LRRC74A: variants seen among roughly 807,000 people sequenced by gnomAD.
The protein encoded by LRRC74A is leucine-rich repeat-containing protein 74A.
LRRC74A carries 44 observed loss-of-function variants against 57.9 expected under a neutral mutation model. That is an observed-to-expected ratio of 0.76 (90% CI 0.60 to 0.98). The LOEUF (loss-of-function observed/expected upper bound fraction) is 0.98. Among genes scored for constraint, LRRC74A ranks in the 50% least tolerant of loss-of-function variants. The pLI, the probability that LRRC74A is intolerant of heterozygous loss-of-function variation, is 0.00. For synonymous variants in LRRC74A, 211 were observed against 219.4 expected (o/e 0.96, Z 0.34); for missense variants, 572 against 574.0 (o/e 1.00, Z 0.04).
chr14:76,867,693 G>A (rs972198904), intron 13 of LRRC74A, among the ~76,000 whole-genome samples: 1 of 152,164 alleles, frequency 6.6e-6, no homozygotes, highest in African/African-American at 2.4e-5. Flanking sequence ...GGAGGAGCCG[G>A]AGCCCACACT....
chr14:76,846,473 G>A (rs1018595970), intron 7 of LRRC74A, among the ~76,000 whole-genome samples: 2 of 152,034 alleles, frequency 1.3e-5, no homozygotes, highest in Admixed American at 6.6e-5. Context: ...TTACAGCATC[G>A]CCATAAAAGA....
intron 8 of LRRC74A, among the ~76,000 whole-genome samples, chr14:76,852,941 G>A (rs777693143): frequency 1.3e-5 from 2 of 152,064 alleles, no homozygotes; most frequent in Admixed American, 6.6e-5. Context: ...TAGTATAATC[G>A]TATCTGCTGA....
chr14:76,847,647 C>A (rs980294594), intron 7 of LRRC74A, among the ~76,000 whole-genome samples: 2 of 151,748 alleles, frequency 1.3e-5, no homozygotes, highest in Non-Finnish European at 2.9e-5. Flanking sequence ...ACAAGTTTAC[C>A]TATATAACAA....
At chr14:76,860,645 C>A (rs759563918) in intron 10 of LRRC74A, 48 bp from the exon 11 acceptor site, 2 of 1,531,568 alleles carry the variant, frequency 1.3e-6, no homozygotes, top group East Asian at 2.3e-5. Context: ...TGGGCAGGCA[C>A]GATGGCAGTG....
intron 7 of LRRC74A, among the ~76,000 whole-genome samples, chr14:76,850,370 G>A (rs1838574694): frequency 6.6e-6 from 1 of 152,138 alleles, no homozygotes. Flanking sequence ...AGTGATGCAG[G>A]TGTGCAAGGT....
chr14:76,864,532 AT>A lies in LRRC74A; in HGVS notation c.1201-1435del, dbSNP rs199978379. On this transcript the variant is annotated intron_variant, in intron 11 of 13. Coordinates refer to ENST00000689127, the MANE Select transcript of LRRC74A (RefSeq NM_001385106.1). ...CCGGGTGCGGGGAAGAGAAAAAAAA[AT>A]ACTTAAAAAGGACCAAAAAGAATAT... Among the ~76,000 whole-genome samples, 7 of 152,178 alleles carry A rather than the reference AT, an allele frequency of 4.6e-5. 1 individual carries two copies. In the South Asian group the frequency reaches 1.2e-3, roughly 27 times the overall value.
chr14:76,860,963 T>G, intron 11 of LRRC74A, 124 bp downstream of exon 11: 1 of 935,270 alleles, frequency 1.1e-6, no homozygotes, highest in Admixed American at 2.8e-5. Flanking sequence ...TGATAAGGAA[T>G]GTCTCAGTCC....
intron 12 of LRRC74A, among the ~76,000 whole-genome samples, chr14:76,866,967 T>TA (rs1360317661): frequency 1.5e-3 from 3 of 1,964 alleles, no homozygotes; most frequent in Admixed American, 6.0e-3. Context: ...TGTGTGTGTG[T>TA]GTGTGTGTTG....
intron 11 of LRRC74A, among the ~76,000 whole-genome samples, chr14:76,864,167 G>A (rs1025577097): frequency 1.5e-4 from 23 of 152,174 alleles, no homozygotes; most frequent in Non-Finnish European, 2.9e-5. Flanking sequence ...GTGCACTTTG[G>A]ATGTGTTGAT....
intron 13 of LRRC74A, among the ~76,000 whole-genome samples, chr14:76,868,436 T>G (rs1264400282): frequency 6.6e-6 from 1 of 152,196 alleles, no homozygotes; most frequent in African/African-American, 2.4e-5. Flanking sequence ...ATCACTGCAC[T>G]TCAGCCTGGA....
intron 12 of LRRC74A, 60 bp from the exon 13 acceptor site, chr14:76,867,296 G>A (rs1384749354): frequency 4.2e-6 from 3 of 708,554 alleles, no homozygotes; most frequent in African/African-American, 1.9e-5. Context: ...TTGGGGGGGT[G>A]TGCCTAGGGA....
intron 9 of LRRC74A, among the ~76,000 whole-genome samples, chr14:76,855,587 G>C (rs1288987366): frequency 6.6e-6 from 1 of 152,072 alleles, no homozygotes; most frequent in African/African-American, 2.4e-5. Context: ...ATTATCTATG[G>C]GTCTCCACAT....
intron 7 of LRRC74A, among the ~76,000 whole-genome samples, chr14:76,851,726 C>T (rs1169093168): frequency 2.7e-5 from 4 of 150,000 alleles, no homozygotes; most frequent in African/African-American, 7.4e-5. Context: ...AGTGCAGTGG[C>T]GTGATCTCCA....
At chr14:76,840,582 T>TTA (rs1273841380) in intron 5 of LRRC74A, among the ~76,000 whole-genome samples, 3 of 144,498 alleles carry the variant, frequency 2.1e-5, no homozygotes, top group African/African-American at 7.6e-5. Flanking sequence ...ATTTATGTAT[T>TTA]TCTTTTTTTT....
chr14:76,844,161 G>A (rs1412940634), intron 5 of LRRC74A, among the ~76,000 whole-genome samples: 1 of 152,154 alleles, frequency 6.6e-6, no homozygotes, highest in East Asian at 1.9e-4. Context: ...ACCATGACTG[G>A]CTAATTTTTT....
chr14:76,850,193 C>A (rs916614804), intron 7 of LRRC74A, among the ~76,000 whole-genome samples: 16 of 151,980 alleles, frequency 1.1e-4, no homozygotes, highest in African/African-American at 3.9e-4. Context: ...GGGCGACAGA[C>A]GGAGACCCCG....
Position 76,853,273 on chromosome 14 carries a change from G to T in LRRC74A, c.820G>T (p.Ala274Ser). Reference sequence around the variant, plus strand: ...CATGAATGGCTTTGGGAATGAGGTGGCTCTGGCCCTAGGGGAAGTCCTCCG... The same window carrying T: ...CATGAATGGCTTTGGGAATGAGGTGTCTCTGGCCCTAGGGGAAGTCCTCCG... ...LSMNGFGNEV[A>S]LALGEVLRLN... The change falls in exon 9 of 14, where the codon GCT (alanine) becomes TCT (serine). Residue 274 changes from alanine to serine, a missense_variant. Physicochemically the swap from Ala to Ser is moderately conservative, Grantham distance 99. Coordinates refer to ENST00000689127, the MANE Select transcript of LRRC74A (RefSeq NM_001385106.1). 6.2e-7 allele frequency: 1 copy of T among 1,613,622 alleles called. No individual in the cohort carries two copies.
At chr14:76,867,197 GT>G (rs1186497273) in intron 12 of LRRC74A, among the ~76,000 whole-genome samples, 158 bp from the exon 13 acceptor site, 1 of 58,006 alleles carries the variant, frequency 1.7e-5, no homozygotes. Context: ...GAGTGTGTGT[GT>G]TGGGGGGTGG....
In LRRC74A at chr14:76,831,383, T is replaced by C. The variant is rs1354301944; in HGVS notation, c.339+8T>C. The C allele has an allele frequency of 6.2e-7, 1 of 1,612,306 alleles. No individual in the cohort carries two copies. Among genetic ancestry groups the C allele is most frequent in the Non-Finnish European group, 8.5e-7 (1 of 1,179,518 alleles). On this transcript the variant is annotated splice_region_variant and intron_variant, in intron 3 of 13. Coordinates refer to ENST00000689127, the MANE Select transcript of LRRC74A (RefSeq NM_001385106.1). Reference sequence around the variant, plus strand: ...ATTGCTATAGCCCTGGTGGTGAGCATGCTAGTGGGAGCTCATGAAACCTGG... The same window carrying C: ...ATTGCTATAGCCCTGGTGGTGAGCACGCTAGTGGGAGCTCATGAAACCTGG...
Sources: allele counts gnomAD v4.1 joint callset (sites outside exome capture counted in the v4.1 genomes callset), GRCh38; gene constraint gnomAD v4.1.1; transcripts MANE v1.5; gene names NCBI Gene and HGNC (gene_info 2026-07-23, HGNC 2026-07-21).